Variants in NAALADL2 observed in about 807,000 individuals in gnomAD.
NAALADL2 encodes N-acetylated alpha-linked acidic dipeptidase like 2.
NAALADL2 carries 76 observed loss-of-function variants against 87.2 expected under a neutral mutation model. The ratio of observed to expected loss-of-function variants is 0.87; its 90% CI spans 0.72 to 1.05. The LOEUF (loss-of-function observed/expected upper bound fraction) is 1.05. Among genes scored for constraint, NAALADL2 ranks in the 50% least tolerant of loss-of-function variants. The probability of loss-of-function intolerance (pLI) is 0.00; values close to 1 mark genes in which losing one functional copy is unlikely to be tolerated. For synonymous variants in NAALADL2, 354 were observed against 331.0 expected, an observed-to-expected ratio of 1.07 and a Z score of -0.75; for missense variants, 1,089 against 945.8, an observed-to-expected ratio of 1.15 and a Z score of -1.99.
At chr3:175,134,569 T>A (rs1291715536) in intron 2 of NAALADL2, among the ~76,000 whole-genome samples, 2 of 152,160 alleles carry the variant, frequency 1.3e-5, no homozygotes, top group East Asian at 3.9e-4. Context: ...ATTACTTTTT[T>A]CTCAATATAT....
intron 13 of NAALADL2, among the ~76,000 whole-genome samples, chr3:175,789,382 T>A (rs1752506679): frequency 6.6e-6 from 1 of 152,204 alleles, no homozygotes; most frequent in South Asian, 2.1e-4. Context: ...AGTATCAAAA[T>A]TCTATCATCT....
chr3:174,894,509 G>A (rs899864353), intron 1 of NAALADL2, among the ~76,000 whole-genome samples: 6 of 148,926 alleles, frequency 4.0e-5, no homozygotes, highest in African/African-American at 9.9e-5. Context: ...CACGAGGATC[G>A]CTTGGACCTG....
At chr3:174,936,371 C>G (rs752333480) in intron 1 of NAALADL2, among the ~76,000 whole-genome samples, 1 of 151,920 alleles carries the variant, frequency 6.6e-6, no homozygotes, top group Non-Finnish European at 1.5e-5. Context: ...TAGATCTATT[C>G]CTGGATGCCT....
intron 2 of NAALADL2, among the ~76,000 whole-genome samples, chr3:174,613,271 G>T (rs989155964): frequency 2.0e-5 from 3 of 152,102 alleles, no homozygotes; most frequent in African/African-American, 7.2e-5. Flanking sequence ...CTTGCCCAAG[G>T]CCTGCTGAAA....
chr3:174,515,276 C>A (rs1187949961), intron 1 of NAALADL2, among the ~76,000 whole-genome samples: 1 of 152,030 alleles, frequency 6.6e-6, no homozygotes, highest in African/African-American at 2.4e-5. Context: ...TGTTAAGCCC[C>A]TAGGTTTGGA....
Position 175,741,879 on chromosome 3 carries a change from T to C in NAALADL2, c.1990+4480T>C, listed in dbSNP as rs554769050. On this transcript the variant is annotated intron_variant, in intron 12 of 13. Coordinates refer to ENST00000454872, the MANE Select transcript of NAALADL2 (RefSeq NM_207015.3). ...AGAAAGTTTATTTTGCCAACGTTAA[T>C]GACGCACCCATGACATGGACTCAGA... 2.0e-5 allele frequency among the ~76,000 whole-genome samples: 3 copies of C among 152,312 alleles called. No homozygotes were observed. In the South Asian group the frequency reaches 6.2e-4, roughly 32 times the overall value.
At chr3:175,007,851 G>T (rs751314271) in intron 1 of NAALADL2, among the ~76,000 whole-genome samples, 2 of 152,030 alleles carry the variant, frequency 1.3e-5, no homozygotes. Flanking sequence ...ATATACCATC[G>T]TCACTACTGT....
intron 2 of NAALADL2, among the ~76,000 whole-genome samples, chr3:174,655,540 C>A (rs1359567994): frequency 6.6e-6 from 1 of 152,106 alleles, no homozygotes; most frequent in Admixed American, 6.6e-5. Flanking sequence ...TGTTACATGG[C>A]AGACGTTAAT....
intron 2 of NAALADL2, among the ~76,000 whole-genome samples, chr3:174,592,189 T>G (rs1401370426): frequency 1.3e-5 from 2 of 152,102 alleles, no homozygotes; most frequent in Non-Finnish European, 2.9e-5. Flanking sequence ...GAACTATAAT[T>G]TTGGAATGGA....
At chr3:174,921,263 T>G (rs1180482339) in intron 1 of NAALADL2, among the ~76,000 whole-genome samples, 1 of 152,224 alleles carries the variant, frequency 6.6e-6, no homozygotes, top group Non-Finnish European at 1.5e-5. Flanking sequence ...GAGGTATGCT[T>G]GTATATCTAG....
chr3:174,509,395 CCTTT>C (rs201756410), intron 1 of NAALADL2, among the ~76,000 whole-genome samples: 28,484 of 124,674 alleles, frequency 0.23, 2,934 homozygotes, highest in Middle Eastern at 0.32. Context: ...GGTGTCTCTT[CCTTT>C]CTTTCTTTTT....
At chr3:174,726,249 T>A (rs1732170749) in intron 2 of NAALADL2, among the ~76,000 whole-genome samples, 1 of 152,078 alleles carries the variant, frequency 6.6e-6, no homozygotes, top group South Asian at 2.1e-4. Context: ...ATAAAAGCGC[T>A]ATGATGAAAA....
chr3:175,480,962 G>A (rs61349544), intron 9 of NAALADL2, among the ~76,000 whole-genome samples: 9,570 of 151,724 alleles, frequency 0.063, 1,019 homozygotes, highest in African/African-American at 0.22. Context: ...AACATAATTC[G>A]TCACCTATAA....
chr3:175,004,972 T>A (rs1318216750), intron 1 of NAALADL2, among the ~76,000 whole-genome samples: 2 of 152,112 alleles, frequency 1.3e-5, no homozygotes, highest in Non-Finnish European at 2.9e-5. Context: ...AAATTACTGT[T>A]TCAAAATTCC....
intron 2 of NAALADL2, among the ~76,000 whole-genome samples, chr3:174,672,286 G>A (rs1002919310): frequency 2.0e-5 from 3 of 152,040 alleles, no homozygotes; most frequent in South Asian, 2.1e-4. Context: ...AAACAAATTC[G>A]TGTTTGGCTA....
chr3:175,412,980 G>A (rs1040518740), intron 5 of NAALADL2, among the ~76,000 whole-genome samples: 4 of 148,280 alleles, frequency 2.7e-5, no homozygotes, highest in Non-Finnish European at 4.5e-5. Context: ...GTGCAGTGGC[G>A]CAATCTGGGC....
chr3:175,136,010 T>A (rs1438136989), intron 2 of NAALADL2, among the ~76,000 whole-genome samples: 1 of 152,092 alleles, frequency 6.6e-6, no homozygotes, highest in Admixed American at 6.6e-5. Flanking sequence ...GGAGAAGGAA[T>A]GGGAATATGG....
intron 1 of NAALADL2, among the ~76,000 whole-genome samples, chr3:174,948,225 G>A (rs1739764280): frequency 6.6e-6 from 1 of 151,938 alleles, no homozygotes; most frequent in Non-Finnish European, 1.5e-5. Flanking sequence ...CGCCCAGACT[G>A]GAGTGCATTG....
intron 1 of NAALADL2, among the ~76,000 whole-genome samples, chr3:174,910,164 A>G (rs562108889): frequency 1.2e-4 from 18 of 151,378 alleles, no homozygotes; most frequent in African/African-American, 4.4e-4. Flanking sequence ...TAGTTTATAT[A>G]CATATATATA....
Sources: gnomAD v4.1 joint callset for allele counts (sites outside exome capture counted in the v4.1 genomes callset) on GRCh38, gnomAD v4.1.1 for gene constraint, MANE v1.5 for transcripts, NCBI Gene and HGNC (gene_info 2026-07-23, HGNC 2026-07-21) for gene names.